Variants in CNBD1 observed in about 807,000 individuals in gnomAD.
CNBD1 encodes the protein cyclic nucleotide-binding domain-containing protein 1.
A neutral mutation model predicts 54.4 loss-of-function variants in CNBD1; 71 were observed. The observed-to-expected ratio is 1.30, with a 90% CI of 1.08 to 1.59. The LOEUF is 1.59. Among genes scored for constraint, CNBD1 ranks in the 40% most tolerant of loss-of-function variants. The probability of loss-of-function intolerance (pLI) is 0.00; values close to 1 mark genes in which losing one functional copy is unlikely to be tolerated. For synonymous variants in CNBD1, 182 were observed against 170.7 expected, an observed-to-expected ratio of 1.07 and a Z score of -0.51; for missense variants, 659 against 518.0, an observed-to-expected ratio of 1.27 and a Z score of -2.64.
chr8:87,010,099 G>T (rs184763839), intron 4 of CNBD1, among the ~76,000 whole-genome samples: 3 of 152,008 alleles, frequency 2.0e-5, no homozygotes, highest in Admixed American at 6.6e-5. Context: ...AAAATTTGTT[G>T]TTTCTTGATC....
chr8:86,964,007 C>A (rs1808006014), intron 4 of CNBD1, among the ~76,000 whole-genome samples: 1 of 152,118 alleles, frequency 6.6e-6, no homozygotes, highest in East Asian at 1.9e-4. Context: ...GTTATTAGAG[C>A]CTCTGTCTTT....
At chr8:86,899,397 TTTA>T (rs1808898663) in intron 2 of CNBD1, among the ~76,000 whole-genome samples, 1 of 152,126 alleles carries the variant, frequency 6.6e-6, no homozygotes, top group Non-Finnish European at 1.5e-5. Flanking sequence ...TAGAAATCTT[TTTA>T]TTATCTGTAT....
intron 2 of CNBD1, among the ~76,000 whole-genome samples, chr8:87,389,081 G>A (rs112087326): frequency 0.019 from 2,875 of 152,214 alleles, 91 homozygotes; most frequent in African/African-American, 0.063. Flanking sequence ...CAATAAATTA[G>A]GTATTGATGG....
chr8:87,075,212 A>G (rs374864168), intron 4 of CNBD1, among the ~76,000 whole-genome samples: 84 of 152,308 alleles, frequency 5.5e-4, no homozygotes, highest in African/African-American at 1.9e-3. Flanking sequence ...ATTACTAGTG[A>G]GGTAAATCAT....
intron 4 of CNBD1, among the ~76,000 whole-genome samples, chr8:87,133,135 C>CT (rs573061786): frequency 6.6e-5 from 10 of 151,608 alleles, no homozygotes; most frequent in Non-Finnish European, 8.8e-5. Context: ...GCTAAGATTC[C>CT]TTTTTTTTCA....
intron 4 of CNBD1, among the ~76,000 whole-genome samples, chr8:87,145,854 A>G (rs1476857073): frequency 6.6e-6 from 1 of 152,096 alleles, no homozygotes; most frequent in Non-Finnish European, 1.5e-5. Context: ...AACAGTCCCA[A>G]TTTATACTTA....
At chr8:87,112,281 G>C (rs893941033) in intron 4 of CNBD1, among the ~76,000 whole-genome samples, 29 of 152,144 alleles carry the variant, frequency 1.9e-4, no homozygotes, top group African/African-American at 6.8e-4. Context: ...TTTGAGTCAT[G>C]GGATAGTGCC....
intron 4 of CNBD1, among the ~76,000 whole-genome samples, chr8:87,080,426 G>C (rs1190509987): frequency 6.6e-6 from 1 of 151,934 alleles, no homozygotes; most frequent in Non-Finnish European, 1.5e-5. Context: ...TACTAATAAC[G>C]CAAAAATTAG....
At chr8:87,404,435 G>A (rs974736537) in intron 2 of CNBD1, among the ~76,000 whole-genome samples, 2 of 152,026 alleles carry the variant, frequency 1.3e-5, no homozygotes, top group African/African-American at 4.8e-5. Flanking sequence ...ACAAAATTGG[G>A]TACTGAGTTT....
At chr8:86,964,916 A>C (rs547108239) in intron 4 of CNBD1, among the ~76,000 whole-genome samples, 22 of 152,286 alleles carry the variant, frequency 1.4e-4, no homozygotes, top group Non-Finnish European at 2.5e-4. Context: ...GTCCCTTCAC[A>C]TAAGGGACGT....
In CNBD1 at chr8:87,030,197, G is replaced by A. The variant is rs557366266; in HGVS notation, c.431+90443G>A. 2.0e-4 allele frequency among the ~76,000 whole-genome samples: 30 copies of A among 152,156 alleles called. 1 individual carries two copies. In the East Asian group the frequency reaches 2.9e-3, roughly 15 times the overall value. Reference sequence around the variant, plus strand: ...TTTATGGCTGCTAGATTTAATAGGAGTCACCATGGAAACTGTCTCACAATG... The same window carrying A: ...TTTATGGCTGCTAGATTTAATAGGAATCACCATGGAAACTGTCTCACAATG... On this transcript the variant is annotated intron_variant, in intron 4 of 10. Coordinates refer to ENST00000518476, the MANE Select transcript of CNBD1 (RefSeq NM_173538.3).
At chr8:86,950,979 A>T (rs1807603111) in intron 4 of CNBD1, among the ~76,000 whole-genome samples, 1 of 152,100 alleles carries the variant, frequency 6.6e-6, no homozygotes, top group Non-Finnish European at 1.5e-5. Flanking sequence ...GATCATAGTG[A>T]CTACTAATGA....
At chr8:87,221,175 A>G (rs1452017751) in intron 5 of CNBD1, among the ~76,000 whole-genome samples, 1 of 152,114 alleles carries the variant, frequency 6.6e-6, no homozygotes, top group Non-Finnish European at 1.5e-5. Flanking sequence ...TAAGTTGTCT[A>G]TGAGATGCTT....
chr8:87,197,470 G>A (rs1043571989), intron 4 of CNBD1, among the ~76,000 whole-genome samples: 1 of 152,168 alleles, frequency 6.6e-6, no homozygotes, highest in Non-Finnish European at 1.5e-5. Flanking sequence ...TTACCAGAGT[G>A]TAGCCTGGGA....
At chr8:87,050,601 G>T (rs1342472957) in intron 4 of CNBD1, among the ~76,000 whole-genome samples, 1 of 152,176 alleles carries the variant, frequency 6.6e-6, no homozygotes, top group African/African-American at 2.4e-5. Flanking sequence ...AGGCAAACAG[G>T]TATTGAGAGT....
At chr8:87,375,103 T>A (rs1285922714) in intron 10 of CNBD1, among the ~76,000 whole-genome samples, 1 of 151,932 alleles carries the variant, frequency 6.6e-6, no homozygotes, top group East Asian at 1.9e-4. Flanking sequence ...TGAAAATATA[T>A]GTGCATAAAG....
intron 10 of CNBD1, among the ~76,000 whole-genome samples, chr8:87,377,970 C>T (rs1342583300): frequency 7.0e-6 from 1 of 141,904 alleles, no homozygotes; most frequent in East Asian, 2.0e-4. Flanking sequence ...AGTGTCTGTT[C>T]ATGTCCTTTG....
At chr8:87,294,336 G>T (rs1808837170) in intron 8 of CNBD1, among the ~76,000 whole-genome samples, 1 of 152,132 alleles carries the variant, frequency 6.6e-6, no homozygotes, top group African/African-American at 2.4e-5. Flanking sequence ...GGATGTTCTG[G>T]TTTTTCAGAT....
intron 4 of CNBD1, among the ~76,000 whole-genome samples, chr8:87,063,004 A>G (rs1425469140): frequency 6.6e-6 from 1 of 152,220 alleles, no homozygotes; most frequent in African/African-American, 2.4e-5. Context: ...TAAGAACTAT[A>G]GTGCAGATCA....
Sources: gnomAD v4.1 joint callset for allele counts (sites outside exome capture counted in the v4.1 genomes callset) on GRCh38, gnomAD v4.1.1 for gene constraint, MANE v1.5 for transcripts, NCBI Gene and HGNC (gene_info 2026-07-23, HGNC 2026-07-21) for gene names.